The following ADGRB3 variants were observed in gnomAD, a reference collection of about 807,000 sequenced individuals.
The protein encoded by ADGRB3 is adhesion G protein-coupled receptor B3.
Under a neutral mutation model 193.4 loss-of-function variants are expected in ADGRB3, and 37 were observed. The observed-to-expected ratio is 0.19, with a 90% CI of 0.15 to 0.25. ADGRB3 has a LOEUF of 0.25. Ranked by LOEUF, ADGRB3 falls within the 10% of genes least tolerant of loss-of-function variation. The pLI is 1.00. For missense variants in ADGRB3, 1,637 were observed against 1,852.9 expected, an observed-to-expected ratio of 0.88 and a Z score of 2.14; for synonymous variants, 690 against 644.2, an observed-to-expected ratio of 1.07 and a Z score of -1.08.
chr6:69,185,210 C>T (rs1765043812), intron 17 of ADGRB3, among the ~76,000 whole-genome samples: 2 of 152,016 alleles, frequency 1.3e-5, no homozygotes, highest in South Asian at 4.1e-4. Context: ...TAGTACTGTA[C>T]CTATATCCTG....
intron 3 of ADGRB3, among the ~76,000 whole-genome samples, chr6:68,778,005 T>G (rs775913054): frequency 1.2e-4 from 18 of 152,096 alleles, no homozygotes; most frequent in Non-Finnish European, 1.6e-4. Context: ...AATGTAGCAT[T>G]AAGTTTCAGT....
At chr6:69,037,394 T>C (rs1257974986) in intron 13 of ADGRB3, among the ~76,000 whole-genome samples, 1 of 152,160 alleles carries the variant, frequency 6.6e-6, no homozygotes, top group Non-Finnish European at 1.5e-5. Flanking sequence ...CAGAGTTAGG[T>C]AGTTGCAACA....
intron 17 of ADGRB3, among the ~76,000 whole-genome samples, chr6:69,147,223 G>A (rs1582498352): frequency 6.6e-6 from 1 of 151,862 alleles, no homozygotes; most frequent in South Asian, 2.1e-4. Flanking sequence ...AATTCTTTAA[G>A]ATGCATCATT....
At chr6:68,927,388 C>T (rs955335832) in intron 3 of ADGRB3, among the ~76,000 whole-genome samples, 1 of 152,064 alleles carries the variant, frequency 6.6e-6, no homozygotes, top group African/African-American at 2.4e-5. Flanking sequence ...TTTACCTCAA[C>T]CCACATTCAC....
At chr6:68,990,152 C>A (rs1769192830) in intron 10 of ADGRB3, among the ~76,000 whole-genome samples, 1 of 152,002 alleles carries the variant, frequency 6.6e-6, no homozygotes, top group Admixed American at 6.6e-5. Flanking sequence ...GGAAAACAAT[C>A]TAGCAGATAA....
intron 15 of ADGRB3, among the ~76,000 whole-genome samples, chr6:69,060,472 C>CA (rs1382809107): frequency 1.3e-5 from 2 of 152,010 alleles, no homozygotes; most frequent in Non-Finnish European, 2.9e-5. Flanking sequence ...AATATCTTGA[C>CA]AAAATTGCAA....
At chr6:68,799,782 G>A (rs185866498) in intron 3 of ADGRB3, among the ~76,000 whole-genome samples, 197 of 152,172 alleles carry the variant, frequency 1.3e-3, no homozygotes, top group Middle Eastern at 3.4e-3. Flanking sequence ...ATGATGATCC[G>A]GAAGAAAAAT....
At chr6:69,201,613 A>G (rs1169987918) in intron 17 of ADGRB3, among the ~76,000 whole-genome samples, 3 of 151,938 alleles carry the variant, frequency 2.0e-5, no homozygotes, top group Non-Finnish European at 2.9e-5. Flanking sequence ...ATATATTTTT[A>G]TCTTCCTTAT....
intron 20 of ADGRB3, among the ~76,000 whole-genome samples, chr6:69,281,260 G>C (rs920746977): frequency 1.3e-5 from 2 of 152,126 alleles, no homozygotes; most frequent in African/African-American, 4.8e-5. Flanking sequence ...GTACAACAGG[G>C]ATAGACTATC....
intron 13 of ADGRB3, among the ~76,000 whole-genome samples, chr6:69,023,887 T>C (rs751849907): frequency 1.3e-5 from 2 of 152,092 alleles, no homozygotes; most frequent in Non-Finnish European, 2.9e-5. Context: ...CATAACTGAC[T>C]GGGGTGTGAG....
chr6:69,172,457 C>T (rs1775296211), intron 17 of ADGRB3, among the ~76,000 whole-genome samples: 1 of 151,466 alleles, frequency 6.6e-6, no homozygotes, highest in Admixed American at 6.6e-5. Flanking sequence ...TACTGGCTAA[C>T]ACGGTGAAAC....
chr6:68,821,597 A>T (rs1349890976), intron 3 of ADGRB3, among the ~76,000 whole-genome samples: 2 of 151,664 alleles, frequency 1.3e-5, no homozygotes, highest in Non-Finnish European at 1.5e-5. Context: ...TAAAAAAAAA[A>T]TTTGAGTTTT....
intron 3 of ADGRB3, among the ~76,000 whole-genome samples, chr6:68,864,767 C>T (rs1487957127): frequency 2.0e-5 from 3 of 152,136 alleles, no homozygotes; most frequent in Non-Finnish European, 4.4e-5. Context: ...GAGCTAAAAT[C>T]CCTAGTATAT....
intron 3 of ADGRB3, among the ~76,000 whole-genome samples, chr6:68,795,825 T>G (rs1468315541): frequency 6.6e-6 from 1 of 152,168 alleles, no homozygotes; most frequent in Non-Finnish European, 1.5e-5. Context: ...TTCTTAATAA[T>G]TATTTCCCTA....
At chr6:69,165,499 G>A in intron 17 of ADGRB3, among the ~76,000 whole-genome samples, 1 of 151,488 alleles carries the variant, frequency 6.6e-6, no homozygotes, top group East Asian at 2.0e-4. Context: ...TCATCCTGGA[G>A]TTGATTTTTT....
intron 17 of ADGRB3, among the ~76,000 whole-genome samples, chr6:69,194,517 G>C (rs60158977): frequency 0.15 from 22,409 of 152,098 alleles, 1,694 homozygotes; most frequent in Middle Eastern, 0.17. Context: ...GTTCCTTTCT[G>C]TGTTGCCAAA....
Position 69,349,299 on chromosome 6 carries a change from T to G in ADGRB3, c.3460-4934T>G, listed in dbSNP as rs564560896. ...AGAAGCTTATATGACCTCCTCAAAC[T>G]GATATAAAAAGTAATTTGAAGGTAA... On this transcript the variant is annotated intron_variant, in intron 26 of 31. Coordinates refer to ENST00000370598, the MANE Select transcript of ADGRB3 (RefSeq NM_001704.3). 1.5e-4 allele frequency among the ~76,000 whole-genome samples: 23 copies of G among 152,304 alleles called. No homozygotes were observed. The South Asian group carries it at 4.3e-3, about 29-fold the overall frequency.
At chr6:69,129,445 T>C (rs1773944475) in intron 17 of ADGRB3, among the ~76,000 whole-genome samples, 1 of 151,832 alleles carries the variant, frequency 6.6e-6, no homozygotes. Context: ...AGTGAAGAAA[T>C]TAGTGACAAA....
rs1168875156 is a variant in ADGRB3, at chr6:68,974,791, T to C, written c.1554T>C (p.Tyr518=). ...CTTATGAAATATGCCCTGAGGATTA[T>C]CTGATGTCGATGGTGTGGAAAAGAA... is the stretch of plus-strand genomic sequence containing the variant. The part of the protein sequence containing the change: ...PAPYEICPED[Y]LMSMVWKRTP... The change falls in exon 9 of 32, where the codon TAT becomes TAC. Residue 518 remains tyrosine, a synonymous_variant. Transcript: ENST00000370598. 4 of 1,613,944 alleles carry C rather than the reference T, an allele frequency of 2.5e-6. No homozygotes were observed. The highest frequency in any genetic ancestry group is 1.3e-5 in the African/African-American group (1 of 74,920).
Sources: gnomAD v4.1 joint callset for allele counts (sites outside exome capture counted in the v4.1 genomes callset) on GRCh38, gnomAD v4.1.1 for gene constraint, MANE v1.5 for transcripts, NCBI Gene and HGNC (gene_info 2026-07-23, HGNC 2026-07-21) for gene names.